The following FCGR1A variants were observed in gnomAD, a reference collection of about 807,000 sequenced individuals.
FCGR1A encodes the protein high affinity immunoglobulin gamma Fc receptor I.
Under a neutral mutation model 35.0 loss-of-function variants are expected in FCGR1A, and 13 were observed. That is an observed-to-expected ratio of 0.37 (90% CI 0.24 to 0.59). The LOEUF (loss-of-function observed/expected upper bound fraction) is 0.59, where lower values mean the gene tolerates loss of function less well. FCGR1A is among the 20% of genes least tolerant of loss of function. The pLI is 0.71. For missense variants in FCGR1A, 227 were observed against 430.0 expected (o/e 0.53, Z 4.17); for synonymous variants, 91 against 164.7 (o/e 0.55, Z 3.43).
intron 3 of FCGR1A, chr1:149,786,754 A>C (rs1285746742): frequency 6.6e-6 from 1 of 152,204 alleles, no homozygotes; most frequent in Non-Finnish European, 1.5e-5. Context: ...AAACTCATAA[A>C]TTTCCATTAT....
chr1:149,794,171 A>G (rs2101441552), downstream of FCGR1A: 1 of 355,562 alleles, frequency 2.8e-6, no homozygotes, highest in South Asian at 2.1e-5. Flanking sequence ...ACATGGTAAC[A>G]GTGGAGCTAT....
intron 3 of FCGR1A, chr1:149,787,395 G>C (rs1259812687): frequency 6.6e-6 from 1 of 152,238 alleles, no homozygotes; most frequent in Non-Finnish European, 1.5e-5. Flanking sequence ...GTTATGTGTA[G>C]AGGTGTATGT....
intron 3 of FCGR1A, chr1:149,786,645 G>T (rs2102039051): frequency 6.6e-6 from 1 of 152,034 alleles, no homozygotes; most frequent in Non-Finnish European, 1.5e-5. Flanking sequence ...AGTCATGAAG[G>T]TAGGGGAATG....
downstream of FCGR1A, chr1:149,792,667 GC>G (rs2091738981): frequency 1.6e-6 from 2 of 1,278,118 alleles, no homozygotes; most frequent in Admixed American, 4.7e-5. Flanking sequence ...GGGGGCCGCA[GC>G]CGCCAGCGCC....
chr1:149,792,841 G>A (rs1553752221), downstream of FCGR1A: 1 of 1,273,182 alleles, frequency 7.9e-7, no homozygotes, highest in Non-Finnish European at 1.0e-6. Flanking sequence ...GGATGGAAGA[G>A]AGCAAGGGGT....
chr1:149,787,523 T>A (rs1266919208), intron 3 of FCGR1A: 1 of 152,442 alleles, frequency 6.6e-6, no homozygotes, highest in African/African-American at 2.4e-5. Context: ...TGCCCTTCTG[T>A]GTGTTTGTCT....
At chr1:149,782,985 G>C in intron 1 of FCGR1A, 185 bp from the exon 2 acceptor site, 1 of 606,604 alleles carries the variant, frequency 1.6e-6, no homozygotes, top group South Asian at 2.0e-5. Context: ...CCGCAGTGAA[G>C]TTTCCTTGAT....
intron 3 of FCGR1A, among the ~76,000 whole-genome samples, chr1:149,784,896 C>T (rs2091500294): frequency 6.6e-6 from 1 of 151,782 alleles, no homozygotes; most frequent in Non-Finnish European, 1.5e-5. Context: ...TGCCTATTAG[C>T]AAATTTATAA....
rs782163224 is a variant in FCGR1A at position 149,788,343 on chromosome 1, C to A, written c.308-23C>A. 1.9e-6 allele frequency: 3 copies of A among 1,612,066 alleles called. No individual in the cohort carries two copies. In the Admixed American group the frequency reaches 5.0e-5, roughly 27 times the overall value. ...TTGTACCTCCTCCACTGTATACATA[C>A]ATTTTGGGTTCATATTTTTCAGGCT... On this transcript the variant is annotated intron_variant, in intron 3 of 5. Transcript: ENST00000369168.
At chr1:149,798,618 TAAAA>T in the FCGR1A span, among the ~76,000 whole-genome samples, 20 of 139,658 alleles carry the variant, frequency 1.4e-4, no homozygotes, top group African/African-American at 4.7e-4. Flanking sequence ...AAACCGACTT[TAAAA>T]AAAAAAAAAA....
At chr1:149,787,522 G>T (rs1447752717) in intron 3 of FCGR1A, 2 of 152,420 alleles carry the variant, frequency 1.3e-5, no homozygotes, top group Non-Finnish European at 2.9e-5. Context: ...TTGCCCTTCT[G>T]TGTGTTTGTC....
At chr1:149,800,408 A>G in the FCGR1A span, among the ~76,000 whole-genome samples, 1 of 149,600 alleles carries the variant, frequency 6.7e-6, no homozygotes, top group African/African-American at 2.5e-5. Context: ...CGGAAGTTGG[A>G]GGTGGGCTGA....
rs1441701673 is a variant in FCGR1A at position 149,791,673 on chromosome 1, G to T, written c.*156G>T. ...CAAATAAATGAACTGACTTCAACTGGGATACATTTGGAAATGTGGTCATCA... is the reference window on the plus strand; with the variant it reads ...CAAATAAATGAACTGACTTCAACTGTGATACATTTGGAAATGTGGTCATCA... On this transcript the variant is annotated 3_prime_UTR_variant, in exon 6 of 6. Transcript: ENST00000369168. 1.0e-4 allele frequency: 137 copies of T among 1,310,218 alleles called. 1 individual carries two copies. Among genetic ancestry groups the T allele is most frequent in the Non-Finnish European group, 1.3e-4 (131 of 979,616 alleles). The allele number at this position is 1,310,218 out of a possible 1,614,324, so 81.2% of individuals were successfully genotyped here. A position where few individuals can be genotyped will look rare whatever the true frequency, so the allele number is the denominator to read the frequency against.
intron 4 of FCGR1A, among the ~76,000 whole-genome samples, 162 bp downstream of exon 4, chr1:149,788,779 A>T (rs1461531383): frequency 4.1e-4 from 62 of 152,096 alleles, no homozygotes; most frequent in Non-Finnish European, 8.2e-4. Context: ...TGGAACCAGA[A>T]CTGAGGTCTC....
At position 149,790,274 on chromosome 1, in the gene FCGR1A, C is replaced by A; in HGVS notation, c.780C>A (p.Cys260Ter). 6.3e-7 allele frequency: 1 copy of A among 1,591,478 alleles called. No homozygotes were observed. Among genetic ancestry groups the A allele is most frequent in the Non-Finnish European group, 8.6e-7 (1 of 1,168,800 alleles). The change falls in exon 5 of 6, where the codon TGC (cysteine) becomes TGA (stop). Residue 260 changes from cysteine to a stop codon, truncating the protein, a stop_gained. Transcript: ENST00000369168. LOFTEE classifies it high-confidence loss of function. ...GAGAAGACTCTGGGTTATACTGGTG[C>A]GAGGCTGCCACAGAGGATGGAAATG... ...ARREDSGLYW[C>*]EAATEDGNVL...
chr1:149,792,532 T>C (rs1195058964), downstream of FCGR1A: 3 of 1,159,846 alleles, frequency 2.6e-6, no homozygotes, highest in Admixed American at 7.6e-5. Context: ...AGCAACTTGA[T>C]TCTAGATTAT....
the FCGR1A span, among the ~76,000 whole-genome samples, chr1:149,799,817 C>T: frequency 6.6e-6 from 1 of 152,166 alleles, no homozygotes; most frequent in East Asian, 1.9e-4. Context: ...GACGGAGAAA[C>T]TCAAACTATG....
rs587641348 is a variant in FCGR1A, at chr1:149,789,805, C to T, written c.560-249C>T. On this transcript the variant is annotated intron_variant, in intron 4 of 5. Transcript: ENST00000369168. ...AAAAGTTGCCTTCCACAAAATCCATCCCTAGTGCCAAAAAGGTTGGGGACC... is the reference window on the plus strand; with the variant it reads ...AAAAGTTGCCTTCCACAAAATCCATTCCTAGTGCCAAAAAGGTTGGGGACC... Among the ~76,000 whole-genome samples, 240 of 152,244 alleles carry T rather than the reference C, an allele frequency of 1.6e-3. 1 individual carries two copies. The highest frequency in any genetic ancestry group is 2.6e-3 in the Non-Finnish European group (177 of 68,020).
the FCGR1A span, among the ~76,000 whole-genome samples, chr1:149,800,168 A>T: frequency 6.6e-6 from 1 of 152,152 alleles, no homozygotes; most frequent in Admixed American, 6.5e-5. Flanking sequence ...TATAACAAAA[A>T]ATACAGATGA....
Sources: allele counts gnomAD v4.1 joint callset (sites outside exome capture counted in the v4.1 genomes callset), GRCh38; gene constraint gnomAD v4.1.1; transcripts MANE v1.5; gene names NCBI Gene and HGNC (gene_info 2026-07-23, HGNC 2026-07-21).